CSMD1: variants seen among roughly 807,000 people sequenced by gnomAD.
CSMD1 encodes the protein CUB and sushi domain-containing protein 1.
In CSMD1, 213 loss-of-function variants were observed where a neutral mutation model predicts 417.5. The observed-to-expected ratio is 0.51, with a 90% CI of 0.46 to 0.57. The LOEUF is 0.57. CSMD1 is among the 20% of genes least tolerant of loss of function. The probability of loss-of-function intolerance (pLI) is 0.00; values close to 1 mark genes in which losing one functional copy is unlikely to be tolerated. For missense variants in CSMD1, 6,923 were observed against 4,529.7 expected (o/e 1.53, Z -15.17); for synonymous variants, 2,862 against 1,736.8 (o/e 1.65, Z -16.11).
chr8:4,962,836 C>T (rs776558140), intron 1 of CSMD1, among the ~76,000 whole-genome samples: 6 of 152,126 alleles, frequency 3.9e-5, no homozygotes, highest in East Asian at 1.9e-4. Flanking sequence ...ATTTTTAGAC[C>T]TCTTTTGTGC....
At chr8:4,151,398 A>T (rs1364976382) in intron 3 of CSMD1, among the ~76,000 whole-genome samples, 1 of 152,210 alleles carries the variant, frequency 6.6e-6, no homozygotes, top group Non-Finnish European at 1.5e-5. Flanking sequence ...GACCAAGAAA[A>T]ATACTCTTTA....
intron 2 of CSMD1, among the ~76,000 whole-genome samples, chr8:4,475,439 G>C (rs974246358): frequency 6.6e-6 from 1 of 151,998 alleles, no homozygotes; most frequent in South Asian, 2.1e-4. Context: ...TTCACCTGTG[G>C]CATCATATGG....
chr8:4,160,372 G>T (rs904680063), intron 3 of CSMD1, among the ~76,000 whole-genome samples: 1 of 152,116 alleles, frequency 6.6e-6, no homozygotes, highest in Non-Finnish European at 1.5e-5. Context: ...GCCAACTTTG[G>T]AAATTTGGTG....
intron 26 of CSMD1, among the ~76,000 whole-genome samples, chr8:3,257,079 T>C (rs1158153445): frequency 6.6e-6 from 1 of 152,202 alleles, no homozygotes; most frequent in African/African-American, 2.4e-5. Context: ...CCCAGCACTT[T>C]GGGAGGCCAA....
chr8:3,789,788 C>T (rs150552614), intron 5 of CSMD1, among the ~76,000 whole-genome samples: 2,715 of 142,258 alleles, frequency 0.019, 89 homozygotes, highest in African/African-American at 0.067. Flanking sequence ...TGGAGTGCAG[C>T]GGTGCTATCT....
intron 7 of CSMD1, among the ~76,000 whole-genome samples, chr8:3,670,676 T>G (rs111066236): frequency 0.077 from 9,998 of 129,146 alleles, 1,748 homozygotes; most frequent in African/African-American, 0.12. Context: ...TGTACATGGT[T>G]ATATATGTAT....
chr8:3,991,904 T>C (rs940150), intron 5 of CSMD1, among the ~76,000 whole-genome samples: 68,670 of 151,894 alleles, frequency 0.45, 15,535 homozygotes, highest in East Asian at 0.53. Flanking sequence ...TATCTCCAAG[T>C]AGCAGTAGCA....
intron 1 of CSMD1, among the ~76,000 whole-genome samples, chr8:4,956,594 A>T (rs1354229787): frequency 1.3e-5 from 2 of 150,682 alleles, no homozygotes; most frequent in Admixed American, 6.6e-5. Context: ...ATATCATCAT[A>T]ACAGATATTT....
intron 1 of CSMD1, among the ~76,000 whole-genome samples, chr8:4,953,567 G>A (rs578066055): frequency 5.2e-4 from 79 of 152,116 alleles, no homozygotes; most frequent in African/African-American, 1.8e-3. Flanking sequence ...GTTTCTCACT[G>A]TTGAGAAACG....
intron 3 of CSMD1, among the ~76,000 whole-genome samples, chr8:4,175,915 T>C (rs1012150757): frequency 6.6e-6 from 1 of 152,136 alleles, no homozygotes; most frequent in African/African-American, 2.4e-5. Flanking sequence ...ACCACTTTTC[T>C]GTGTGGTCAC....
intron 3 of CSMD1, among the ~76,000 whole-genome samples, chr8:4,254,990 C>T (rs1474751128): frequency 6.6e-6 from 1 of 152,182 alleles, no homozygotes; most frequent in East Asian, 1.9e-4. Flanking sequence ...GCACTAAATC[C>T]AGAAGATCAC....
chr8:3,516,482 G>A (rs941925937), intron 10 of CSMD1, among the ~76,000 whole-genome samples: 1 of 152,152 alleles, frequency 6.6e-6, no homozygotes, highest in African/African-American at 2.4e-5. Context: ...CAGTGTCTGT[G>A]AAGAGGCTGT....
At chr8:4,133,856 T>G (rs1169127942) in intron 3 of CSMD1, among the ~76,000 whole-genome samples, 1 of 152,166 alleles carries the variant, frequency 6.6e-6, no homozygotes, top group Non-Finnish European at 1.5e-5. Flanking sequence ...CAATCAGGGT[T>G]ACACATATAA....
intron 3 of CSMD1, among the ~76,000 whole-genome samples, chr8:4,274,796 T>A (rs769833232): frequency 6.6e-6 from 1 of 152,130 alleles, no homozygotes; most frequent in Non-Finnish European, 1.5e-5. Flanking sequence ...TGGAAAAATA[T>A]TGCCACCCTC....
intron 49 of CSMD1, among the ~76,000 whole-genome samples, chr8:3,066,839 A>T (rs991899376): frequency 6.6e-6 from 1 of 152,212 alleles, no homozygotes; most frequent in African/African-American, 2.4e-5. Flanking sequence ...TCTGGCCTCA[A>T]AAATGCATGG....
chr8:3,434,255 T>C (rs1244141881), intron 12 of CSMD1, among the ~76,000 whole-genome samples: 2 of 152,210 alleles, frequency 1.3e-5, no homozygotes, highest in East Asian at 3.9e-4. Flanking sequence ...TAAATCGTTT[T>C]TTAAAACTGT....
chr8:3,163,063 G>C (rs1235900906), intron 37 of CSMD1, among the ~76,000 whole-genome samples: 1 of 152,134 alleles, frequency 6.6e-6, no homozygotes, highest in Non-Finnish European at 1.5e-5. Flanking sequence ...TTATCAAAAG[G>C]TACAAACTTT....
At position 3,236,712 on chromosome 8, in the gene CSMD1, A is replaced by G. The variant is rs111631635; in HGVS notation, c.4154-6481T>C. On this transcript the variant is annotated intron_variant, in intron 26 of 69. Transcript: ENST00000635120. ...GCTGTATTCTTTTATGTGCCACATC[A>G]TACACTTCACTCATTTTTCTCTTAA... Among the ~76,000 whole-genome samples, 140 of 152,274 alleles carry G rather than the reference A, an allele frequency of 9.2e-4. 1 individual carries two copies. Among genetic ancestry groups the G allele is most frequent in the African/African-American group, 3.2e-3 (132 of 41,542 alleles).
intron 12 of CSMD1, among the ~76,000 whole-genome samples, chr8:3,423,069 A>C (rs1355136631): frequency 6.6e-6 from 1 of 152,228 alleles, no homozygotes; most frequent in Non-Finnish European, 1.5e-5. Flanking sequence ...CTATGTATTT[A>C]AAAAATAATT....
Sources: gnomAD v4.1 joint callset for allele counts (sites outside exome capture counted in the v4.1 genomes callset) on GRCh38, gnomAD v4.1.1 for gene constraint, MANE v1.5 for transcripts, NCBI Gene and HGNC (gene_info 2026-07-23, HGNC 2026-07-21) for gene names.